EVA1C: variants seen among roughly 807,000 people sequenced by gnomAD.
EVA1C encodes the protein eva-1 homolog C.
A neutral mutation model predicts 45.4 loss-of-function variants in EVA1C; 25 were observed. That is an observed-to-expected ratio of 0.55 (90% CI 0.40 to 0.77). The LOEUF (loss-of-function observed/expected upper bound fraction) is 0.77, where lower values mean the gene tolerates loss of function less well. Ranked by LOEUF, EVA1C falls within the 30% of genes least tolerant of loss-of-function variation. The pLI is 0.00. For synonymous variants in EVA1C, 190 were observed against 221.2 expected, an observed-to-expected ratio of 0.86 and a Z score of 1.25; for missense variants, 479 against 554.8, an observed-to-expected ratio of 0.86 and a Z score of 1.37.
intron 3 of EVA1C, among the ~76,000 whole-genome samples, chr21:32,461,951 T>C (rs1172224469): frequency 1.3e-5 from 2 of 152,056 alleles, no homozygotes; most frequent in Admixed American, 6.6e-5. Context: ...AGTTGTAACA[T>C]GGGATTATGT....
chr21:32,501,358 G>C (rs1298832099), intron 5 of EVA1C, 57 bp from the exon 6 acceptor site: 10 of 1,422,816 alleles, frequency 7.0e-6, no homozygotes, highest in Non-Finnish European at 9.7e-6. Context: ...AATGTATTAA[G>C]AGTCCACATT....
At chr21:32,416,398 G>A (rs58110525) in intron 1 of EVA1C, among the ~76,000 whole-genome samples, 2,544 of 145,950 alleles carry the variant, frequency 0.017, 66 homozygotes, top group African/African-American at 0.053. Flanking sequence ...GTACAGTCTC[G>A]GCTCACTGCA....
intron 7 of EVA1C, among the ~76,000 whole-genome samples, 199 bp from the exon 8 acceptor site, chr21:32,514,615 C>G (rs193171772): frequency 2.0e-5 from 3 of 152,150 alleles, no homozygotes; most frequent in Non-Finnish European, 4.4e-5. Context: ...CATATATTGA[C>G]TCCGTAGGCG....
rs149304834 is a variant in EVA1C, at chr21:32,441,181, C to A, written c.161-12131C>A. ...CTCTTGCTAGCTGCTGGAGATACAG[C>A]AATAAATAAAGCAAAGTCCTTGCTT... is the stretch of plus-strand genomic sequence containing the variant. On this transcript the variant is annotated intron_variant, in intron 1 of 7. Coordinates refer to ENST00000300255, the MANE Select transcript of EVA1C (RefSeq NM_058187.5). Among the ~76,000 whole-genome samples the A allele has an allele frequency of 1.1e-4, 17 of 152,250 alleles. 2 individuals carry two copies. The highest frequency in any genetic ancestry group is 4.1e-4 in the African/African-American group (17 of 41,556).
At chr21:32,482,299 C>A (rs1413168653) in intron 4 of EVA1C, among the ~76,000 whole-genome samples, 1 of 152,194 alleles carries the variant, frequency 6.6e-6, no homozygotes, top group African/African-American at 2.4e-5. Flanking sequence ...GGCTTACCTT[C>A]TGCAGTTGCC....
intron 3 of EVA1C, among the ~76,000 whole-genome samples, chr21:32,460,617 G>A (rs1256413714): frequency 2.0e-5 from 3 of 152,140 alleles, no homozygotes; most frequent in East Asian, 3.9e-4. Flanking sequence ...AGGTGAGCAC[G>A]TCCTCGGTAA....
At chr21:32,509,607 G>A (rs2037879361) in intron 7 of EVA1C, among the ~76,000 whole-genome samples, 1 of 152,168 alleles carries the variant, frequency 6.6e-6, no homozygotes, top group Non-Finnish European at 1.5e-5. Flanking sequence ...CTGGGGATTT[G>A]GCAAAGAGCA....
chr21:32,424,987 G>T (rs1379118887), intron 1 of EVA1C, among the ~76,000 whole-genome samples: 4 of 152,048 alleles, frequency 2.6e-5, no homozygotes, highest in African/African-American at 7.3e-5. Flanking sequence ...CTCCCAGGTA[G>T]CTGGGACTAC....
intron 1 of EVA1C, among the ~76,000 whole-genome samples, chr21:32,441,920 G>C (rs550646486): frequency 2.0e-5 from 3 of 152,252 alleles, no homozygotes; most frequent in South Asian, 4.1e-4. Flanking sequence ...GTCTGTCCTT[G>C]TCCCCTCTGT....
chr21:32,468,595 T>C (rs2036267357), intron 4 of EVA1C, among the ~76,000 whole-genome samples: 1 of 151,942 alleles, frequency 6.6e-6, no homozygotes, highest in Non-Finnish European at 1.5e-5. Flanking sequence ...GAGAGCCAGT[T>C]CAAGCCTCAA....
intron 7 of EVA1C, among the ~76,000 whole-genome samples, chr21:32,507,784 CTG>C (rs906394510): frequency 2.8e-4 from 41 of 148,576 alleles, no homozygotes; most frequent in African/African-American, 7.2e-4. Context: ...ATGTGTATCT[CTG>C]TGCATATGTG....
At chr21:32,444,383 C>G (rs1324028384) in intron 1 of EVA1C, among the ~76,000 whole-genome samples, 1 of 152,122 alleles carries the variant, frequency 6.6e-6, no homozygotes, top group African/African-American at 2.4e-5. Flanking sequence ...TCCCATGACC[C>G]CCTCCTTGGG....
chr21:32,458,958 G>A (rs951641085), intron 3 of EVA1C, among the ~76,000 whole-genome samples: 1 of 152,012 alleles, frequency 6.6e-6, no homozygotes, highest in African/African-American at 2.4e-5. Flanking sequence ...CACATGTGGG[G>A]AGAAACCCCC....
At chr21:32,498,214 A>T (rs2037414857) in intron 5 of EVA1C, among the ~76,000 whole-genome samples, 1 of 152,174 alleles carries the variant, frequency 6.6e-6, no homozygotes, top group Non-Finnish European at 1.5e-5. Context: ...TGGGAGGCCG[A>T]GGCGGGCGCA....
At chr21:32,478,281 C>T (rs544378029) in intron 4 of EVA1C, among the ~76,000 whole-genome samples, 1 of 152,000 alleles carries the variant, frequency 6.6e-6, no homozygotes, top group Non-Finnish European at 1.5e-5. Flanking sequence ...TGCAGTGGCT[C>T]GATCTCAGCT....
At chr21:32,432,230 A>G (rs1217419835) in intron 1 of EVA1C, among the ~76,000 whole-genome samples, 1 of 152,046 alleles carries the variant, frequency 6.6e-6, no homozygotes, top group Non-Finnish European at 1.5e-5. Context: ...GGTTTACCCC[A>G]TTACACCAAA....
chr21:32,486,432 T>C (rs768304659), intron 4 of EVA1C, among the ~76,000 whole-genome samples: 11 of 152,276 alleles, frequency 7.2e-5, no homozygotes, highest in Admixed American at 1.3e-4. Context: ...GCCCTTACTG[T>C]TGTTCTTGAC....
At chr21:32,476,089 T>C (rs1373684678) in intron 4 of EVA1C, among the ~76,000 whole-genome samples, 1 of 152,182 alleles carries the variant, frequency 6.6e-6, no homozygotes, top group African/African-American at 2.4e-5. Context: ...TTTCCTCATA[T>C]TTTTGTGGTT....
rs549634167 is a variant in EVA1C, at chr21:32,496,411, A to T, written c.778+1241A>T. On this transcript the variant is annotated intron_variant, in intron 5 of 7. Coordinates refer to ENST00000300255, the MANE Select transcript of EVA1C (RefSeq NM_058187.5). ...CTGAACTAAAAATGTTGTTCTCTGC[A>T]ATATCAATGCTGCAATAGATATGAT... 7.7e-4 allele frequency among the ~76,000 whole-genome samples: 118 copies of T among 152,350 alleles called. 3 individuals are homozygous for T. The South Asian group carries it at 0.024, about 31-fold the overall frequency.
Sources: allele counts gnomAD v4.1 joint callset (sites outside exome capture counted in the v4.1 genomes callset), GRCh38; gene constraint gnomAD v4.1.1; transcripts MANE v1.5; gene names NCBI Gene and HGNC (gene_info 2026-07-23, HGNC 2026-07-21).